The following TESK2 variants were observed in gnomAD, a reference collection of about 807,000 sequenced individuals.
TESK2 encodes dual specificity testis-specific protein kinase 2.
In TESK2, 39 loss-of-function variants were observed where a neutral mutation model predicts 57.1. The ratio of observed to expected loss-of-function variants is 0.68; its 90% CI spans 0.53 to 0.89. The LOEUF is 0.89. TESK2 is among the 40% of genes least tolerant of loss of function. The pLI is 0.00. For synonymous variants in TESK2, 249 were observed against 267.9 expected (o/e 0.93, Z 0.69); for missense variants, 646 against 732.1 (o/e 0.88, Z 1.36).
intron 1 of TESK2, among the ~76,000 whole-genome samples, chr1:45,459,242 T>A (rs529322873): frequency 6.6e-6 from 1 of 152,352 alleles, no homozygotes; most frequent in South Asian, 2.1e-4. Context: ...CCAGGGGCAT[T>A]TTCTATAATA....
Position 45,375,866 on chromosome 1 carries a change from A to G in TESK2, c.393+10046T>C, listed in dbSNP as rs549158223. Among the ~76,000 whole-genome samples, 5 of 152,360 alleles carry G rather than the reference A, an allele frequency of 3.3e-5. No individual in the cohort carries two copies. The South Asian group carries it at 1.0e-3, about 32-fold the overall frequency. On this transcript the variant is annotated intron_variant, in intron 4 of 10. Coordinates refer to ENST00000372086, the MANE Select transcript of TESK2 (RefSeq NM_007170.3). ...TAGGAGCCAAATAAATATCTTTTGG[A>G]TGAATAAATGAGCCAAAAGCAAGCA...
intron 3 of TESK2, among the ~76,000 whole-genome samples, chr1:45,413,215 T>C (rs1180048125): frequency 2.0e-5 from 3 of 152,144 alleles, no homozygotes; most frequent in Non-Finnish European, 4.4e-5. Flanking sequence ...GAGCAACTGA[T>C]GATAAAATAA....
At chr1:45,410,704 A>G (rs571394963) in intron 3 of TESK2, among the ~76,000 whole-genome samples, 5 of 152,132 alleles carry the variant, frequency 3.3e-5, no homozygotes, top group Non-Finnish European at 7.4e-5. Context: ...AAACCTGATT[A>G]TTTAAAAATT....
intron 4 of TESK2, among the ~76,000 whole-genome samples, chr1:45,371,225 C>G (rs1317826748): frequency 1.3e-5 from 2 of 152,040 alleles, no homozygotes; most frequent in Non-Finnish European, 2.9e-5. Flanking sequence ...AATAGAACTA[C>G]TATATGGTCC....
At chr1:45,489,149 A>T (rs1653609887) in intron 1 of TESK2, among the ~76,000 whole-genome samples, 1 of 150,926 alleles carries the variant, frequency 6.6e-6, no homozygotes, top group Admixed American at 6.6e-5. Flanking sequence ...AAAAAAAAAA[A>T]GCTTCTTAAC....
At chr1:45,417,604 T>A (rs1156501205) in intron 3 of TESK2, among the ~76,000 whole-genome samples, 2 of 152,084 alleles carry the variant, frequency 1.3e-5, no homozygotes, top group African/African-American at 4.8e-5. Flanking sequence ...TTTTCTTTTT[T>A]TTTTTGAGAC....
chr1:45,367,353 C>CG (rs1358390627), intron 4 of TESK2, among the ~76,000 whole-genome samples: 1 of 151,714 alleles, frequency 6.6e-6, no homozygotes. Context: ...TCTCAGTAAA[C>CG]GGCATCGCCA....
chr1:45,469,421 A>T (rs1652679618), intron 1 of TESK2, among the ~76,000 whole-genome samples: 1 of 152,216 alleles, frequency 6.6e-6, no homozygotes, highest in Non-Finnish European at 1.5e-5. Context: ...ATGTATTATC[A>T]TCTCTAATTT....
chr1:45,345,037 C>G lies in TESK2; in HGVS notation c.1519G>C (p.Ala507Pro). 6.2e-7 allele frequency: 1 copy of G among 1,614,242 alleles called. No homozygotes were observed. The highest frequency in any genetic ancestry group is 8.5e-7 in the Non-Finnish European group (1 of 1,180,046). Reference sequence around the variant, plus strand: ...CAGTCCATAGCCTCATGGGCTTGAGCAGCTGGTAGGGCAGATGCCCGGAAT... The same window carrying G: ...CAGTCCATAGCCTCATGGGCTTGAGGAGCTGGTAGGGCAGATGCCCGGAAT... ...PPFRASALPA[A>P]QAHEAMDCSI... is the part of the protein sequence containing the mutation. The change falls in exon 11 of 11, where the codon GCT becomes CCT. Residue 507 changes from alanine (A) to proline (P), a missense_variant. Transcript: ENST00000372086.
At chr1:45,433,260 G>A (rs1041876090) in intron 2 of TESK2, among the ~76,000 whole-genome samples, 3 of 151,354 alleles carry the variant, frequency 2.0e-5, no homozygotes, top group Admixed American at 2.0e-4. Flanking sequence ...TGTAATTTCA[G>A]TAGAGACAGG....
intron 3 of TESK2, among the ~76,000 whole-genome samples, chr1:45,405,631 A>AAT (rs1553150315): frequency 4.7e-5 from 7 of 148,962 alleles, no homozygotes; most frequent in South Asian, 4.2e-4. Flanking sequence ...ATCTCTAAAA[A>AAT]ATATATCTAT....
intron 3 of TESK2, among the ~76,000 whole-genome samples, chr1:45,396,599 C>T (rs1012848879): frequency 6.6e-6 from 1 of 151,898 alleles, no homozygotes. Flanking sequence ...AGCAATTCTC[C>T]TGCCTCAGCC....
At chr1:45,443,184 G>A (rs576176085) in intron 2 of TESK2, among the ~76,000 whole-genome samples, 31 of 152,150 alleles carry the variant, frequency 2.0e-4, no homozygotes, top group African/African-American at 6.3e-4. Flanking sequence ...GAGACCTGGC[G>A]TGAACCACTG....
rs369960423 is a variant in TESK2 at position 45,346,003 on chromosome 1, A to G, written c.880-9T>C. The G allele has an allele frequency of 1.2e-6, 2 of 1,601,536 alleles. No individual in the cohort carries two copies. Among genetic ancestry groups the G allele is most frequent in the African/African-American group, 1.3e-5 (1 of 74,708 alleles). ...CGCAGTTTGGGATCCATCTGTAGGTATCCACAACAGCCATGAGCTCTGCCC... is the reference window on the plus strand; with the variant it reads ...CGCAGTTTGGGATCCATCTGTAGGTGTCCACAACAGCCATGAGCTCTGCCC... On this transcript the variant is annotated splice_polypyrimidine_tract_variant and intron_variant, in intron 9 of 10. Transcript: ENST00000372086.
At chr1:45,362,235 T>A (rs1010974501) in intron 4 of TESK2, among the ~76,000 whole-genome samples, 1 of 152,218 alleles carries the variant, frequency 6.6e-6, no homozygotes, top group Non-Finnish European at 1.5e-5. Flanking sequence ...TATAGCAGCA[T>A]AAATGGACTA....
At chr1:45,359,255 A>G (rs1012726508) in intron 4 of TESK2, among the ~76,000 whole-genome samples, 2 of 152,204 alleles carry the variant, frequency 1.3e-5, no homozygotes, top group Non-Finnish European at 1.5e-5. Flanking sequence ...TGTTATGAGA[A>G]TCTAATAAAA....
In TESK2 at chr1:45,421,783, C is replaced by T. The variant is rs1224190253; in HGVS notation, c.286G>A (p.Ala96Thr). 1 of 1,614,070 alleles carries T rather than the reference C, an allele frequency of 6.2e-7. No homozygotes were observed. The highest frequency in any genetic ancestry group is 2.2e-5 in the East Asian group (1 of 44,870). ...AGCTGTACTTCTTTCAGCATGTTTG[C>T]CCGGTTACTGCTCAATGTGTTCATC... ...LKMNTLSSNRANMLKEVQLMN... is the reference protein window; with the variant it reads ...LKMNTLSSNRTNMLKEVQLMN... Residue 96 changes from alanine to threonine, a missense_variant, in exon 3 of 11, where the codon GCA (alanine) becomes ACA (threonine). Physicochemically the swap from Ala to Thr is moderately conservative, Grantham distance 58 (BLOSUM62 0). Transcript: ENST00000372086.
intron 2 of TESK2, among the ~76,000 whole-genome samples, chr1:45,444,479 T>C (rs1287920765): frequency 6.6e-6 from 1 of 152,228 alleles, no homozygotes; most frequent in Non-Finnish European, 1.5e-5. Flanking sequence ...GCTATCCCTA[T>C]TGCCTCAAAT....
intron 4 of TESK2, among the ~76,000 whole-genome samples, chr1:45,371,313 T>C (rs1226842409): frequency 6.6e-6 from 1 of 152,186 alleles, no homozygotes; most frequent in African/African-American, 2.4e-5. Context: ...CCCATGTTCA[T>C]AGCAGCATAA....
Sources: allele counts gnomAD v4.1 joint callset (sites outside exome capture counted in the v4.1 genomes callset), GRCh38; gene constraint gnomAD v4.1.1; transcripts MANE v1.5; gene names NCBI Gene and HGNC (gene_info 2026-07-23, HGNC 2026-07-21).